Variants in KCNIP4 observed in about 807,000 individuals in gnomAD.
KCNIP4 encodes Kv channel-interacting protein 4.
Under a neutral mutation model 34.0 loss-of-function variants are expected in KCNIP4, and 12 were observed. The ratio of observed to expected loss-of-function variants is 0.35; its 90% CI spans 0.23 to 0.57. KCNIP4 has a LOEUF of 0.57. KCNIP4 is among the 20% of genes least tolerant of loss of function. KCNIP4 has a pLI of 0.83. For synonymous variants in KCNIP4, 124 were observed against 102.2 expected (o/e 1.21, Z -1.29); for missense variants, 238 against 311.7 (o/e 0.76, Z 1.78).
chr4:21,888,360 T>C (rs75580530), intron 1 of KCNIP4, among the ~76,000 whole-genome samples: 13,635 of 151,932 alleles, frequency 0.09, 783 homozygotes, highest in Non-Finnish European at 0.13. Flanking sequence ...ATAATGTTTA[T>C]CTTTTAACAA....
chr4:21,847,502 A>ATT (rs1724094448), intron 1 of KCNIP4: 1 of 152,206 alleles, frequency 6.6e-6, no homozygotes, highest in Admixed American at 6.5e-5. Flanking sequence ...TTTCTGAAAT[A>ATT]AAGTCTGAAA....
At chr4:21,801,547 G>A (rs2109253373) in intron 1 of KCNIP4, among the ~76,000 whole-genome samples, 1 of 152,150 alleles carries the variant, frequency 6.6e-6, no homozygotes, top group Middle Eastern at 3.4e-3. Flanking sequence ...TATCTGCCCA[G>A]AACACTGCTT....
At chr4:21,482,013 A>G (rs1045304791) in intron 1 of KCNIP4, among the ~76,000 whole-genome samples, 1 of 152,020 alleles carries the variant, frequency 6.6e-6, no homozygotes, top group African/African-American at 2.4e-5. Flanking sequence ...GTGCATATAT[A>G]TTTAGGATAG....
intron 1 of KCNIP4, among the ~76,000 whole-genome samples, chr4:20,943,317 G>A (rs1404992115): frequency 3.3e-5 from 5 of 152,194 alleles, no homozygotes; most frequent in Admixed American, 3.3e-4. Context: ...CAGTGTGCAT[G>A]CCAACCAGTT....
At chr4:21,541,451 A>T (rs1189482428) in intron 1 of KCNIP4, among the ~76,000 whole-genome samples, 2 of 152,058 alleles carry the variant, frequency 1.3e-5, no homozygotes, top group African/African-American at 4.8e-5. Flanking sequence ...TCTGGGAGTG[A>T]GTGGAGAGTT....
At chr4:21,941,963 C>T (rs550954996) in intron 1 of KCNIP4, among the ~76,000 whole-genome samples, 13 of 152,158 alleles carry the variant, frequency 8.5e-5, no homozygotes, top group Admixed American at 2.6e-4. Flanking sequence ...TGCATGTGTG[C>T]GCATATAGCA....
intron 1 of KCNIP4, among the ~76,000 whole-genome samples, chr4:21,138,171 G>C (rs74590257): frequency 6.6e-6 from 1 of 151,944 alleles, no homozygotes; most frequent in Admixed American, 6.6e-5. Context: ...ACATGTCTTC[G>C]CTTTGCTGGT....
At chr4:21,779,930 CA>C (rs10564487) in intron 1 of KCNIP4, among the ~76,000 whole-genome samples, 2,196 of 138,282 alleles carry the variant, frequency 0.016, 27 homozygotes, top group South Asian at 0.047. Flanking sequence ...GATCCTGTCT[CA>C]AAAAAAAAAA....
chr4:21,532,281 G>T (rs774661679), intron 1 of KCNIP4, among the ~76,000 whole-genome samples: 4 of 152,056 alleles, frequency 2.6e-5, no homozygotes, highest in Non-Finnish European at 5.9e-5. Context: ...TGATAAAACT[G>T]CATTTCTTTG....
At chr4:21,867,137 GT>G (rs1257924548) in intron 1 of KCNIP4, among the ~76,000 whole-genome samples, 1 of 152,138 alleles carries the variant, frequency 6.6e-6, no homozygotes, top group Non-Finnish European at 1.5e-5. Flanking sequence ...ATTTAAGTAT[GT>G]GTCTTTCTTG....
chr4:21,076,453 T>C (rs1199570357), intron 1 of KCNIP4, among the ~76,000 whole-genome samples: 2 of 152,190 alleles, frequency 1.3e-5, no homozygotes, highest in Non-Finnish European at 2.9e-5. Context: ...ATGGATATAT[T>C]CTTTTCCATG....
At chr4:21,084,210 G>A (rs765548578) in intron 1 of KCNIP4, among the ~76,000 whole-genome samples, 52 of 150,106 alleles carry the variant, frequency 3.5e-4, no homozygotes, top group Admixed American at 2.7e-3. Flanking sequence ...AGGTCCATCA[G>A]CGTATCCTAA....
intron 1 of KCNIP4, among the ~76,000 whole-genome samples, chr4:21,026,530 T>A (rs964416394): frequency 6.6e-6 from 1 of 152,126 alleles, no homozygotes; most frequent in East Asian, 1.9e-4. Flanking sequence ...GGCATGTGCC[T>A]GTGATCCCAA....
chr4:21,303,864 T>C, intron 1 of KCNIP4: 1 of 1,614,024 alleles, frequency 6.2e-7, no homozygotes, highest in Non-Finnish European at 8.5e-7. Flanking sequence ...AAAAGCACAA[T>C]GACGATCAGA....
chr4:20,792,408 C>T (rs1432667890), intron 3 of KCNIP4, among the ~76,000 whole-genome samples: 2 of 151,674 alleles, frequency 1.3e-5, no homozygotes, highest in Non-Finnish European at 2.9e-5. Context: ...ACAACAACAA[C>T]AAAAACAAAT....
intron 1 of KCNIP4, among the ~76,000 whole-genome samples, chr4:21,755,015 T>C (rs1054017740): frequency 6.6e-6 from 1 of 152,080 alleles, no homozygotes; most frequent in African/African-American, 2.4e-5. Flanking sequence ...GGCATGGTCA[T>C]GTGTGCCTGT....
At chr4:21,833,657 G>C (rs905089414) in intron 1 of KCNIP4, among the ~76,000 whole-genome samples, 24 of 152,066 alleles carry the variant, frequency 1.6e-4, no homozygotes, top group African/African-American at 5.3e-4. Context: ...TAGACACGAA[G>C]TCCTTGCCCA....
At chr4:21,944,180 G>T (rs542246287) in intron 1 of KCNIP4, among the ~76,000 whole-genome samples, 3 of 151,932 alleles carry the variant, frequency 2.0e-5, no homozygotes, top group Non-Finnish European at 4.4e-5. Flanking sequence ...AGTATAGAGG[G>T]AGAAGATAAT....
chr4:21,121,657 T>A (rs373173098), intron 1 of KCNIP4, among the ~76,000 whole-genome samples: 14,788 of 152,250 alleles, frequency 0.097, 887 homozygotes, highest in African/African-American at 0.16. Context: ...ATATTTCTCA[T>A]TGGTAAAATA....
Sources: gnomAD v4.1 joint callset for allele counts (sites outside exome capture counted in the v4.1 genomes callset) on GRCh38, gnomAD v4.1.1 for gene constraint, MANE v1.5 for transcripts, NCBI Gene and HGNC (gene_info 2026-07-23, HGNC 2026-07-21) for gene names.